The following SYT14 variants were observed in gnomAD, a reference collection of about 807,000 sequenced individuals.
The protein encoded by SYT14 is synaptotagmin-14.
In SYT14, 32 loss-of-function variants were observed where a neutral mutation model predicts 74.2. That is an observed-to-expected ratio of 0.43 (90% CI 0.33 to 0.58). The LOEUF is 0.58. SYT14 is among the 20% of genes least tolerant of loss of function. The pLI, the probability that SYT14 is intolerant of heterozygous loss-of-function variation, is 0.05. For synonymous variants in SYT14, 298 were observed against 337.7 expected (o/e 0.88, Z 1.29); for missense variants, 791 against 981.8 (o/e 0.81, Z 2.60).
At chr1:210,084,506 T>A (rs1255366855) in intron 5 of SYT14, among the ~76,000 whole-genome samples, 2 of 152,182 alleles carry the variant, frequency 1.3e-5, no homozygotes, top group Non-Finnish European at 2.9e-5. Flanking sequence ...ACTCTCCTGG[T>A]CATAATAGCT....
At chr1:210,110,792 T>G (rs2082247524) in intron 7 of SYT14, among the ~76,000 whole-genome samples, 1 of 152,224 alleles carries the variant, frequency 6.6e-6, no homozygotes, top group South Asian at 2.1e-4. Flanking sequence ...TTGCCCAGAC[T>G]GGAGTGCAAT....
chr1:210,132,159 A>G (rs2082687180), intron 7 of SYT14, among the ~76,000 whole-genome samples: 1 of 143,912 alleles, frequency 6.9e-6, no homozygotes, highest in African/African-American at 2.6e-5. Flanking sequence ...TCTTTACCCC[A>G]CCAAGGCTCT....
chr1:210,164,621 A>C (rs1354069979), exon 10 of SYT14: 1 of 152,452 alleles, frequency 6.6e-6, no homozygotes, highest in African/African-American at 2.4e-5. Flanking sequence ...TTTTTGATGG[A>C]GTAAGAACAG....
At chr1:209,979,466 A>C (rs1175953942) in intron 2 of SYT14, among the ~76,000 whole-genome samples, 1 of 151,756 alleles carries the variant, frequency 6.6e-6, no homozygotes, top group Non-Finnish European at 1.5e-5. Flanking sequence ...TTTTAAGTTT[A>C]GGGGTACATT....
intron 7 of SYT14, among the ~76,000 whole-genome samples, chr1:210,124,253 AAAT>A (rs2082524213): frequency 6.6e-6 from 1 of 151,576 alleles, no homozygotes; most frequent in Admixed American, 6.6e-5. Flanking sequence ...TGAAAAAAAA[AAAT>A]AAATAAATAA....
chr1:210,085,955 A>AT (rs1368367835), intron 5 of SYT14, among the ~76,000 whole-genome samples: 2 of 151,980 alleles, frequency 1.3e-5, no homozygotes, highest in African/African-American at 4.8e-5. Context: ...TAAAATTGTT[A>AT]TTTTTTCCCT....
chr1:210,167,335 T>G (rs2083466377), exon 10 of SYT14: 1 of 152,218 alleles, frequency 6.6e-6, no homozygotes, highest in Admixed American at 6.5e-5. Context: ...CTAAAAGCAG[T>G]GATTCTGTGA....
chr1:210,007,560 A>T (rs975894696), intron 2 of SYT14, among the ~76,000 whole-genome samples: 5 of 152,136 alleles, frequency 3.3e-5, no homozygotes, highest in African/African-American at 1.2e-4. Flanking sequence ...TTAGAATTCC[A>T]GTTTTAAAAT....
exon 10 of SYT14, chr1:210,160,981 C>T: frequency 6.2e-7 from 1 of 1,613,928 alleles, no homozygotes; most frequent in Non-Finnish European, 8.5e-7. Flanking sequence ...AATCACTGGA[C>T]TGAAATGAAA....
intron 5 of SYT14, among the ~76,000 whole-genome samples, chr1:210,022,875 C>G (rs763254971): frequency 4.6e-5 from 7 of 151,976 alleles, no homozygotes; most frequent in Middle Eastern, 3.2e-3. Flanking sequence ...CCCAACTCCC[C>G]TCTGCTGTCT....
intron 4 of SYT14, among the ~76,000 whole-genome samples, chr1:210,019,284 C>T (rs1332518178): frequency 6.6e-6 from 1 of 152,082 alleles, no homozygotes; most frequent in African/African-American, 2.4e-5. Flanking sequence ...TTTAAGATCC[C>T]CACCATGGTA....
At chr1:210,154,139 G>T (rs2083222720) in intron 7 of SYT14, among the ~76,000 whole-genome samples, 1 of 152,142 alleles carries the variant, frequency 6.6e-6, no homozygotes, top group Non-Finnish European at 1.5e-5. Flanking sequence ...ATTTTGGAAA[G>T]GCTTTTAATT....
chr1:210,090,336 A>G (rs1316063458), intron 5 of SYT14, among the ~76,000 whole-genome samples: 2 of 151,624 alleles, frequency 1.3e-5, no homozygotes, highest in South Asian at 2.1e-4. Flanking sequence ...TGCTCAGCAT[A>G]TAATCAATTT....
intron 1 of SYT14, among the ~76,000 whole-genome samples, chr1:209,941,054 C>G (rs574728917): frequency 6.6e-6 from 1 of 152,098 alleles, no homozygotes; most frequent in Non-Finnish European, 1.5e-5. Context: ...CTGAACAGAT[C>G]GTTTATATCT....
At chr1:210,108,134 A>G (rs920480214) in intron 7 of SYT14, among the ~76,000 whole-genome samples, 1 of 152,226 alleles carries the variant, frequency 6.6e-6, no homozygotes, top group South Asian at 2.1e-4. Context: ...TCTGTATTTC[A>G]TTAAATCTGG....
intron 5 of SYT14, among the ~76,000 whole-genome samples, chr1:210,033,104 A>C (rs2080579022): frequency 6.6e-6 from 1 of 151,924 alleles, no homozygotes; most frequent in African/African-American, 2.4e-5. Flanking sequence ...TGATAATGTC[A>C]GAAGAACATG....
exon 7 of SYT14, chr1:210,100,116 A>C (rs1333642438): frequency 1.2e-6 from 2 of 1,614,118 alleles, no homozygotes; most frequent in African/African-American, 1.3e-5. Context: ...ATGACTCACA[A>C]GAACAGAAGC....
intron 8 of SYT14, among the ~76,000 whole-genome samples, chr1:210,159,209 A>T (rs1233470904): frequency 6.6e-6 from 1 of 152,192 alleles, no homozygotes; most frequent in Admixed American, 6.6e-5. Context: ...TTTGTTTAAG[A>T]TTACACAATA....
intron 5 of SYT14, among the ~76,000 whole-genome samples, chr1:210,023,341 T>TA (rs2080341428): frequency 6.6e-6 from 1 of 152,030 alleles, no homozygotes; most frequent in South Asian, 2.1e-4. Context: ...TAGAGGAAAT[T>TA]AAAAAAAGAC....
Sources: gnomAD v4.1 joint callset for allele counts (sites outside exome capture counted in the v4.1 genomes callset) on GRCh38, gnomAD v4.1.1 for gene constraint, MANE v1.5 for transcripts, NCBI Gene and HGNC (gene_info 2026-07-23, HGNC 2026-07-21) for gene names.